The following MYO3A variants were observed in gnomAD, a reference collection of about 807,000 sequenced individuals.
MYO3A encodes the protein myosin IIIA, also known as myosin-IIIa.
A neutral mutation model predicts 192.7 loss-of-function variants in MYO3A; 180 were observed. The observed-to-expected ratio is 0.93, with a 90% CI of 0.83 to 1.06. The LOEUF is 1.06. Ranked by LOEUF, MYO3A falls within the 50% of genes least tolerant of loss-of-function variation. MYO3A has a pLI of 0.00. For synonymous variants in MYO3A, 628 were observed against 645.3 expected (o/e 0.97, Z 0.41); for missense variants, 1,896 against 1,905.0 (o/e 1.00, Z 0.09).
chr10:26,109,583 C>T (rs1280463067), intron 17 of MYO3A, among the ~76,000 whole-genome samples: 1 of 152,166 alleles, frequency 6.6e-6, no homozygotes, highest in East Asian at 1.9e-4. Flanking sequence ...TTTCAGGAAT[C>T]CACTGGAGGT....
intron 31 of MYO3A, among the ~76,000 whole-genome samples, chr10:26,190,172 G>A (rs1174241920): frequency 6.6e-6 from 1 of 152,156 alleles, no homozygotes; most frequent in Non-Finnish European, 1.5e-5. Flanking sequence ...TAAATGAGTC[G>A]TTTCATCCAG....
At chr10:26,113,100 A>G (rs1401466770) in intron 17 of MYO3A, among the ~76,000 whole-genome samples, 1 of 152,222 alleles carries the variant, frequency 6.6e-6, no homozygotes, top group Non-Finnish European at 1.5e-5. Context: ...ATCAAATAAT[A>G]TTTGTGAAAG....
intron 17 of MYO3A, among the ~76,000 whole-genome samples, chr10:26,104,387 C>A (rs558394232): frequency 6.6e-6 from 1 of 152,220 alleles, no homozygotes; most frequent in African/African-American, 2.4e-5. Context: ...AAGTAGGGAT[C>A]CAGCTTCATT....
chr10:26,092,519 C>T (rs896920806), intron 15 of MYO3A, among the ~76,000 whole-genome samples: 1 of 152,058 alleles, frequency 6.6e-6, no homozygotes, highest in African/African-American at 2.4e-5. Context: ...TGATTGTTGG[C>T]CACTTCGTTG....
At chr10:26,037,274 A>G (rs548724504) in intron 10 of MYO3A, among the ~76,000 whole-genome samples, 184 of 152,348 alleles carry the variant, frequency 1.2e-3, no homozygotes, top group African/African-American at 4.2e-3. Context: ...AGTACTTTGC[A>G]TGTAGTAAGT....
rs137858941 is a variant in MYO3A at position 26,092,518 on chromosome 10, G to A, written c.1563-3863G>A. Among the ~76,000 whole-genome samples the A allele has an allele frequency of 1.3e-3, 193 of 152,246 alleles. 3 individuals carry two copies. The highest frequency in any genetic ancestry group is 4.3e-3 in the African/African-American group (178 of 41,552). On this transcript the variant is annotated intron_variant, in intron 15 of 34. Coordinates refer to ENST00000642920, the MANE Select transcript of MYO3A (RefSeq NM_017433.5). ...ATTAGCTTTCTAAGTCTGATTGTTG[G>A]CCACTTCGTTGAAGATTCAAAGGTT...
intron 33 of MYO3A, among the ~76,000 whole-genome samples, 192 bp downstream of exon 33, chr10:26,201,497 G>A (rs1052553544): frequency 1.4e-4 from 21 of 151,874 alleles, no homozygotes; most frequent in Non-Finnish European, 1.5e-5. Flanking sequence ...TGGCTAACAC[G>A]GTGAAACCCC....
intron 26 of MYO3A, among the ~76,000 whole-genome samples, chr10:26,165,035 ATTC>A (rs1388335399): frequency 6.6e-6 from 1 of 152,220 alleles, no homozygotes; most frequent in African/African-American, 2.4e-5. Flanking sequence ...CTAGGCCAGT[ATTC>A]TTCTCCACGG....
At chr10:25,998,717 A>G (rs1225302408) in intron 6 of MYO3A, among the ~76,000 whole-genome samples, 1 of 152,176 alleles carries the variant, frequency 6.6e-6, no homozygotes, top group Non-Finnish European at 1.5e-5. Flanking sequence ...TACAGTAAGT[A>G]TAGCATAGAT....
At chr10:26,110,755 T>G (rs1838115861) in intron 17 of MYO3A, among the ~76,000 whole-genome samples, 1 of 152,162 alleles carries the variant, frequency 6.6e-6, no homozygotes, top group South Asian at 2.1e-4. Flanking sequence ...ATGCTGAAAT[T>G]TGTGCCATTG....
intron 10 of MYO3A, among the ~76,000 whole-genome samples, chr10:26,060,000 G>A (rs1378318256): frequency 7.2e-5 from 11 of 152,118 alleles, no homozygotes; most frequent in Admixed American, 1.3e-4. Context: ...GCTCACGCCC[G>A]TAATCCCAGC....
At chr10:26,081,139 C>CCCCA (rs1835917987) in intron 14 of MYO3A, among the ~76,000 whole-genome samples, 2 of 106,222 alleles carry the variant, frequency 1.9e-5, no homozygotes, top group Non-Finnish European at 4.8e-5. Context: ...CCCTTCCCCC[C>CCCCA]CCCCCCGCCC....
chr10:25,990,843 A>G (rs1330863498), intron 4 of MYO3A, among the ~76,000 whole-genome samples: 1 of 118,254 alleles, frequency 8.5e-6, no homozygotes, highest in Non-Finnish European at 1.9e-5. Flanking sequence ...ACATGAACTC[A>G]TCATTTTTTT....
Position 26,154,806 on chromosome 10 carries a change from GTTGCA to G in MYO3A, c.2778_2782del (p.Ala927IlefsTer3). The G allele has an allele frequency of 6.2e-7, 1 of 1,613,190 alleles. No individual in the cohort carries two copies. Among genetic ancestry groups the G allele is most frequent in the Non-Finnish European group, 8.5e-7 (1 of 1,179,458 alleles). ...GACAACCAACATGAAAACACAAACGGTTGCATCATATTTTAGAGTAAGATATTAAA... is the reference window on the plus strand; with the variant it reads ...GACAACCAACATGAAAACACAAACGGTCATATTTTAGAGTAAGATATTAAA... On this transcript the variant is annotated frameshift_variant, in exon 25 of 35. Coordinates refer to ENST00000642920, the MANE Select transcript of MYO3A (RefSeq NM_017433.5). LOFTEE classifies it high-confidence loss of function.
At chr10:25,974,808 T>G (rs1838875672) in intron 4 of MYO3A, among the ~76,000 whole-genome samples, 2 of 152,222 alleles carry the variant, frequency 1.3e-5, no homozygotes, top group South Asian at 4.1e-4. Context: ...GATGAGTTCA[T>G]CACACCACCA....
chr10:26,197,104 G>A (rs567740515), intron 32 of MYO3A, among the ~76,000 whole-genome samples: 1 of 152,210 alleles, frequency 6.6e-6, no homozygotes, highest in East Asian at 1.9e-4. Context: ...TCACTGAACC[G>A]AGTATTACCA....
intron 4 of MYO3A, among the ~76,000 whole-genome samples, chr10:25,961,461 A>T (rs1837925348): frequency 6.6e-6 from 1 of 152,174 alleles, no homozygotes. Context: ...GTAAAGCAAC[A>T]TCCAGATATA....
chr10:26,031,951 C>G (rs1842819150), intron 10 of MYO3A, among the ~76,000 whole-genome samples: 1 of 152,140 alleles, frequency 6.6e-6, no homozygotes, highest in Non-Finnish European at 1.5e-5. Flanking sequence ...CAAATTAAAA[C>G]TTCCTTTTTT....
chr10:26,070,365 T>A lies in MYO3A; in HGVS notation c.1323T>A (p.Ala441=). The A allele has an allele frequency of 6.2e-7, 1 of 1,613,368 alleles. No homozygotes were observed. Among genetic ancestry groups the A allele is most frequent in the South Asian group, 1.1e-5 (1 of 91,064 alleles). Residue 441 remains alanine (A), a synonymous_variant, in exon 14 of 35, where the codon GCT becomes GCA. Coordinates refer to ENST00000642920, the MANE Select transcript of MYO3A (RefSeq NM_017433.5). ...GTGGTGCTGGAAAGACTGAAAATGC[T>A]CATCTTTTAGTTCAGCAGCTGACAG... ...GESGAGKTEN[A]HLLVQQLTVL...
Sources: allele counts gnomAD v4.1 joint callset (sites outside exome capture counted in the v4.1 genomes callset), GRCh38; gene constraint gnomAD v4.1.1; transcripts MANE v1.5; gene names NCBI Gene and HGNC (gene_info 2026-07-23, HGNC 2026-07-21).